The following DNAJB1 variants were observed in gnomAD, a reference collection of about 807,000 sequenced individuals.
DNAJB1 encodes the protein DnaJ heat shock protein family (Hsp40) member B1, also known as dnaJ homolog subfamily B member 1.
DNAJB1 carries 14 observed loss-of-function variants against 24.0 expected under a neutral mutation model. The ratio of observed to expected loss-of-function variants is 0.58; its 90% CI spans 0.39 to 0.91. The LOEUF is 0.91. DNAJB1 is among the 40% of genes least tolerant of loss of function. The pLI, the probability that DNAJB1 is intolerant of heterozygous loss-of-function variation, is 0.00. For synonymous variants in DNAJB1, 262 were observed against 174.4 expected, an observed-to-expected ratio of 1.50 and a Z score of -3.96; for missense variants, 517 against 458.1, an observed-to-expected ratio of 1.13 and a Z score of -1.17.
upstream of DNAJB1, among the ~76,000 whole-genome samples, chr19:14,552,356 A>G (rs978378503): frequency 3.3e-5 from 5 of 149,976 alleles, no homozygotes; most frequent in African/African-American, 1.2e-4. Context: ...TCTCTGTTGC[A>G]CATAGCCCTG....
At chr19:14,517,897 G>C in intron 1 of DNAJB1, 2 of 397,234 alleles carry the variant, frequency 5.0e-6, no homozygotes, top group Non-Finnish European at 8.8e-6. Context: ...GCGGGAGGAG[G>C]CGCCCGGGGA....
At chr19:14,532,590 A>T (rs1043043194), upstream of DNAJB1, 1 of 150,252 alleles carries the variant, frequency 6.7e-6, no homozygotes, top group East Asian at 1.9e-4. Flanking sequence ...ATAAATTGTT[A>T]TTTTGCTGTG....
chr19:14,532,588 T>A (rs934545858), upstream of DNAJB1: 1 of 151,860 alleles, frequency 6.6e-6, no homozygotes, highest in African/African-American at 2.4e-5. Context: ...AAATAAATTG[T>A]TATTTTGCTG....
intron 1 of DNAJB1, among the ~76,000 whole-genome samples, chr19:14,559,497 A>G (rs1330922081): frequency 2.0e-5 from 3 of 152,120 alleles, no homozygotes; most frequent in Non-Finnish European, 4.4e-5. Flanking sequence ...TTACTTAGAA[A>G]TAATTATAGG....
At chr19:14,555,464 T>A (rs1323203960) in intron 1 of DNAJB1, among the ~76,000 whole-genome samples, 5 of 136,578 alleles carry the variant, frequency 3.7e-5, no homozygotes, top group African/African-American at 5.8e-5. Flanking sequence ...TTTTTTTTTT[T>A]AGACAGAGCC....
intron 2 of DNAJB1, among the ~76,000 whole-genome samples, chr19:14,527,101 G>A (rs1470021251): frequency 6.7e-6 from 1 of 150,032 alleles, no homozygotes; most frequent in East Asian, 1.9e-4. Flanking sequence ...GAAGGGCAGG[G>A]AGTGAGGCCT....
intron 1 of DNAJB1, among the ~76,000 whole-genome samples, chr19:14,549,004 TA>T (rs983521045): frequency 7.1e-6 from 1 of 140,022 alleles, no homozygotes; most frequent in African/African-American, 3.0e-5. Flanking sequence ...TATCATGAAA[TA>T]GGTTTCTTTG....
intron 1 of DNAJB1, among the ~76,000 whole-genome samples, chr19:14,543,413 ATATATATTTTTTTTTTTTTTTTTTTTTT>A (rs2073184050): frequency 2.1e-4 from 2 of 9,544 alleles, no homozygotes; most frequent in Non-Finnish European, 5.0e-4. Context: ...ATATATATAT[ATATATATTTTTTTTTTTTTTTTTTTTTT>A]TTTTTTTTTT....
chr19:14,516,220 AGCTCTTGCCCAGAGGCCG>A, intron 2 of DNAJB1, 50 bp from the exon 3 acceptor site: 2 of 1,599,130 alleles, frequency 1.3e-6, no homozygotes, highest in South Asian at 2.2e-5. Context: ...CAAGAGGCTC[AGCTCTTGCCCAGAGGCCG>A]TCTGCCATAG....
intron 2 of DNAJB1, 50 bp downstream of exon 2, chr19:14,516,416 C>CA (rs1187671867): frequency 6.4e-7 from 1 of 1,566,730 alleles, no homozygotes; most frequent in Non-Finnish European, 8.7e-7. Flanking sequence ...TAAACTGCTT[C>CA]AAAAAGCAGC....
chr19:14,558,867 C>G (rs539552121), intron 1 of DNAJB1, among the ~76,000 whole-genome samples: 3 of 152,204 alleles, frequency 2.0e-5, no homozygotes, highest in Non-Finnish European at 4.4e-5. Context: ...GCCACCTCCC[C>G]GTCTGTGCTC....
intron 1 of DNAJB1, among the ~76,000 whole-genome samples, chr19:14,538,545 T>C (rs1172264516): frequency 6.6e-6 from 1 of 151,506 alleles, no homozygotes; most frequent in Non-Finnish European, 1.5e-5. Flanking sequence ...TCTTTTTTTT[T>C]TTTTTTGAGA....
intron 2 of DNAJB1, 109 bp from the exon 3 acceptor site, chr19:14,516,279 C>T (rs535368756): frequency 1.4e-5 from 19 of 1,361,440 alleles, no homozygotes; most frequent in Non-Finnish European, 7.0e-6. Flanking sequence ...GCAGCTAAGA[C>T]CTGGCCCCCA....
At chr19:14,517,789 G>A (rs896280268) in intron 1 of DNAJB1, 11 of 217,328 alleles carry the variant, frequency 5.1e-5, no homozygotes, top group African/African-American at 1.1e-4. Context: ...GCCGAGCCCA[G>A]GTGAGCCCGG....
upstream of DNAJB1, among the ~76,000 whole-genome samples, chr19:14,554,676 C>T (rs950165931): frequency 1.3e-5 from 2 of 152,076 alleles, no homozygotes; most frequent in Non-Finnish European, 2.9e-5. Context: ...GGTGCCTGCT[C>T]CTCCCTCCTT....
chr19:14,552,422 G>T (rs1252541621), upstream of DNAJB1, among the ~76,000 whole-genome samples: 1 of 151,912 alleles, frequency 6.6e-6, no homozygotes, highest in East Asian at 1.9e-4. Context: ...GAGCAAGCTG[G>T]GTGGACACTC....
chr19:14,541,275 C>T (rs2073089187), intron 1 of DNAJB1, among the ~76,000 whole-genome samples: 1 of 152,204 alleles, frequency 6.6e-6, no homozygotes, highest in South Asian at 2.1e-4. Flanking sequence ...CCGTGCCTGG[C>T]TGGCAACTGG....
At chr19:14,529,283 C>T in exon 1 of DNAJB1, 1 of 347,554 alleles carries the variant, frequency 2.9e-6, no homozygotes, top group Non-Finnish European at 5.6e-6. Flanking sequence ...CTTACCCCGC[C>T]CCCGCGTCTG....
At chr19:14,530,050 C>G (rs961044415), upstream of DNAJB1, 24 of 442,010 alleles carry the variant, frequency 5.4e-5, no homozygotes, top group Middle Eastern at 1.3e-3. Context: ...CCCTTGCTCC[C>G]AATCCGAGGG....
Sources: allele counts gnomAD v4.1 joint callset (sites outside exome capture counted in the v4.1 genomes callset), GRCh38; gene constraint gnomAD v4.1.1; transcripts MANE v1.5; gene names NCBI Gene and HGNC (gene_info 2026-07-23, HGNC 2026-07-21).